Variants in TIMELESS observed in about 807,000 individuals in gnomAD.
TIMELESS encodes protein timeless homolog.
In TIMELESS, 124 loss-of-function variants were observed where a neutral mutation model predicts 164.3. That is an observed-to-expected ratio of 0.75 (90% CI 0.65 to 0.88). TIMELESS has a LOEUF of 0.88. Ranked by LOEUF, TIMELESS falls within the 40% of genes least tolerant of loss-of-function variation. The pLI, the probability that TIMELESS is intolerant of heterozygous loss-of-function variation, is 0.00. For missense variants in TIMELESS, 1,422 were observed against 1,491.4 expected (o/e 0.95, Z 0.77); for synonymous variants, 564 against 563.4 (o/e 1.00, Z -0.02).
At position 56,431,030 on chromosome 12, in the gene TIMELESS, C is replaced by G. The variant is rs1881858899; in HGVS notation, c.822-62G>C. 2.6e-6 allele frequency: 3 copies of G among 1,166,564 alleles called. No individual in the cohort carries two copies. The East Asian group carries it at 8.0e-5, about 31-fold the overall frequency. 72.3% of individuals were successfully genotyped at this position (1,166,564 alleles called of 1,614,324 possible). On this transcript the variant is annotated intron_variant, in intron 8 of 28. Coordinates refer to ENST00000553532, the MANE Select transcript of TIMELESS (RefSeq NM_003920.5). ...TCTCTGGAAACTTTATCTCCATTCT[C>G]TATCATCGGCACATTGGAGCAAGTT... is the stretch of plus-strand genomic sequence containing the variant.
Position 56,422,018 on chromosome 12 carries a change from T to TA in TIMELESS, c.2525-3_2525-2insT. 1 of 1,614,056 alleles carries TA rather than the reference T, an allele frequency of 6.2e-7. No individual in the cohort carries two copies. The highest frequency in any genetic ancestry group is 8.5e-7 in the Non-Finnish European group (1 of 1,179,930). ...AGATGGCTTCCACCACATCCTGCCC[T>TA]GGCGTGGGGAAGGACTAAGGCAGTA... On this transcript the variant is annotated splice_region_variant and splice_polypyrimidine_tract_variant and intron_variant, in intron 20 of 28. Transcript: ENST00000553532.
chr12:56,443,814 T>C (rs963796626), intron 1 of TIMELESS, among the ~76,000 whole-genome samples: 9 of 152,212 alleles, frequency 5.9e-5, no homozygotes, highest in African/African-American at 1.2e-4. Flanking sequence ...CATTGAAATA[T>C]TGGGGGCTGG....
At chr12:56,431,346 TTC>T in intron 8 of TIMELESS, 123 bp downstream of exon 8, 2 of 1,234,532 alleles carry the variant, frequency 1.6e-6, no homozygotes, top group South Asian at 3.1e-5. Flanking sequence ...AAGAGCAAAA[TTC>T]TGTCTCAAAA....
rs1045654044 is a variant in TIMELESS at position 56,443,891 on chromosome 12, C to T, written c.-62+5419G>A. On this transcript the variant is annotated intron_variant, in intron 1 of 28. Transcript: ENST00000553532. ...TTCAGCCTGGTCCAGCAAATCATTT[C>T]GGTATTCTTTTTTTTTTTTTTTTTT... Among the ~76,000 whole-genome samples, 180 of 150,440 alleles carry T rather than the reference C, an allele frequency of 1.2e-3. 1 individual carries two copies. The highest frequency in any genetic ancestry group is 1.5e-3 in the Non-Finnish European group (103 of 67,724).
intron 1 of TIMELESS, among the ~76,000 whole-genome samples, chr12:56,438,045 T>C (rs986584168): frequency 1.4e-5 from 2 of 145,956 alleles, no homozygotes; most frequent in East Asian, 2.0e-4. Context: ...TTGATAAACA[T>C]TTTTTTTTTT....
chr12:56,419,868 G>A (rs1881397224), intron 26 of TIMELESS, among the ~76,000 whole-genome samples: 1 of 150,972 alleles, frequency 6.6e-6, no homozygotes. Context: ...TTAGCTGGGA[G>A]TGGTAATATA....
In TIMELESS at chr12:56,431,480, C is replaced by T. The variant is rs898786460; in HGVS notation, c.812G>A (p.Arg271Gln). 9 of 1,610,080 alleles carry T rather than the reference C, an allele frequency of 5.6e-6. No individual in the cohort carries two copies. Among genetic ancestry groups the T allele is most frequent in the South Asian group, 2.2e-5 (2 of 90,794 alleles). ...CCTCTCTGTCACTCACCTGTTGCCT[C>T]GCTGGAGGGCTCGAGTCTTCTTTTC... ...MAEKKTRALQ[R>Q]GNRHSRFGGS... Residue 271 changes from arginine to glutamine, a missense_variant, in exon 8 of 29, where the codon CGA (arginine) becomes CAA (glutamine). Physicochemically the swap from Arg to Gln is conservative, Grantham distance 43 (BLOSUM62 1). Coordinates refer to ENST00000553532, the MANE Select transcript of TIMELESS (RefSeq NM_003920.5).
chr12:56,425,800 G>A (rs112365446), intron 13 of TIMELESS, among the ~76,000 whole-genome samples: 11 of 152,064 alleles, frequency 7.2e-5, no homozygotes, highest in African/African-American at 1.7e-4. Context: ...GCTTGGGCAC[G>A]GGAAGGAGAG....
rs1364261166 is a variant in TIMELESS, at chr12:56,430,890, G to C, written c.900C>G (p.Gly300=). 1.3e-6 allele frequency: 2 copies of C among 1,599,122 alleles called. No individual in the cohort carries two copies. Among genetic ancestry groups the C allele is most frequent in the Non-Finnish European group, 1.7e-6 (2 of 1,171,854 alleles). ...ATGTAAGAATACTCACGTTGTGAAG[G>C]CCTTTGTGAAAGATGAGGTCCCTCT... ...IGERDLIFHK[G]LHNLRNYSSD... The change falls in exon 9 of 29, where the codon GGC becomes GGG. Residue 300 remains glycine (G), a synonymous_variant. Transcript: ENST00000553532.
At chr12:56,425,548 A>T (rs1177668582) in intron 13 of TIMELESS, among the ~76,000 whole-genome samples, 1 of 152,240 alleles carries the variant, frequency 6.6e-6, no homozygotes, top group Non-Finnish European at 1.5e-5. Context: ...AATGCAAAGC[A>T]CTATGTAAAT....
chr12:56,425,414 A>T (rs903094828), intron 13 of TIMELESS, among the ~76,000 whole-genome samples: 1 of 152,242 alleles, frequency 6.6e-6, no homozygotes, highest in Non-Finnish European at 1.5e-5. Context: ...ATAAGATGTC[A>T]TGGCAAAACT....
In TIMELESS at chr12:56,417,673, A is replaced by G. The variant is rs1881307735; in HGVS notation, c.*43T>C. The G allele has an allele frequency of 1.9e-6, 3 of 1,602,166 alleles. No homozygotes were observed. Among genetic ancestry groups the G allele is most frequent in the Non-Finnish European group, 2.6e-6 (3 of 1,169,320 alleles). On this transcript the variant is annotated 3_prime_UTR_variant, in exon 29 of 29. Coordinates refer to ENST00000553532, the MANE Select transcript of TIMELESS (RefSeq NM_003920.5). ...CTTCCAACTCTGACTTGAATGCACC[A>G]TCTAAAAACGTGTCTATCTCTACCC...
intron 13 of TIMELESS, among the ~76,000 whole-genome samples, chr12:56,425,412 T>A (rs1464481263): frequency 6.6e-6 from 1 of 152,194 alleles, no homozygotes; most frequent in Non-Finnish European, 1.5e-5. Flanking sequence ...GCATAAGATG[T>A]CATGGCAAAA....
rs1297279811 is a variant in TIMELESS at position 56,418,370 on chromosome 12, C to T, written c.3229-11G>A. The T allele has an allele frequency of 6.3e-7, 1 of 1,585,814 alleles. No homozygotes were observed. Among genetic ancestry groups the T allele is most frequent in the Admixed American group, 1.9e-5 (1 of 53,866 alleles). ...TCGCCAGAAGGTTTCCTACAGGGGC[C>T]AAAAAGTTGAAAAGGGAAAGGACCA... On this transcript the variant is annotated splice_polypyrimidine_tract_variant and intron_variant, in intron 26 of 28. Coordinates refer to ENST00000553532, the MANE Select transcript of TIMELESS (RefSeq NM_003920.5).
chr12:56,445,718 G>T (rs1334821485), intron 1 of TIMELESS, among the ~76,000 whole-genome samples: 1 of 149,844 alleles, frequency 6.7e-6, no homozygotes, highest in African/African-American at 2.5e-5. Context: ...CAACAAGAGC[G>T]AAACTCTGTC....
In TIMELESS at chr12:56,421,089, C is replaced by T. The variant is rs1256197907; in HGVS notation, c.2914G>A (p.Glu972Lys). ...TCCTCAGGCAGGTTTTCCTCTTCTT[C>T]CAGATCTTCCTGGCAAAAATCTTTC... ...SLKDFCQEDL[E>K]EEENLPEEDS... is the part of the protein sequence containing the mutation. The change falls in exon 24 of 29, where the codon GAA becomes AAA. Residue 972 changes from glutamate to lysine, a missense_variant. Glu to Lys is a moderately conservative substitution (Grantham distance 56, BLOSUM62 1). Coordinates refer to ENST00000553532, the MANE Select transcript of TIMELESS (RefSeq NM_003920.5). 2 of 1,614,170 alleles carry T rather than the reference C, an allele frequency of 1.2e-6. No individual in the cohort carries two copies. Among genetic ancestry groups the T allele is most frequent in the African/African-American group, 1.3e-5 (1 of 75,034 alleles).
At chr12:56,423,556 G>A in intron 17 of TIMELESS, 28 bp downstream of exon 17, 1 of 1,613,514 alleles carries the variant, frequency 6.2e-7, no homozygotes, top group Non-Finnish European at 8.5e-7. Context: ...CGCCACTCTA[G>A]GACCAACTCA....
intron 1 of TIMELESS, among the ~76,000 whole-genome samples, chr12:56,434,908 C>T (rs758155396): frequency 6.6e-6 from 1 of 152,148 alleles, no homozygotes; most frequent in Non-Finnish European, 1.5e-5. Context: ...CGTTGTGGCA[C>T]ACACCTGCAC....
chr12:56,430,013 C>G, intron 10 of TIMELESS, 92 bp downstream of exon 10: 1 of 1,322,808 alleles, frequency 7.6e-7, no homozygotes, highest in Non-Finnish European at 1.0e-6. Flanking sequence ...GCAGCCTCCC[C>G]GAGCTCCTCC....
Sources: allele counts gnomAD v4.1 joint callset (sites outside exome capture counted in the v4.1 genomes callset), GRCh38; gene constraint gnomAD v4.1.1; transcripts MANE v1.5; gene names NCBI Gene and HGNC (gene_info 2026-07-23, HGNC 2026-07-21).